ZC3H7A: variants seen among roughly 807,000 people sequenced by gnomAD.
ZC3H7A encodes the protein zinc finger CCCH-type containing 7A.
ZC3H7A carries 44 observed loss-of-function variants against 125.5 expected under a neutral mutation model. The ratio of observed to expected loss-of-function variants is 0.35; its 90% CI spans 0.28 to 0.45. ZC3H7A has a LOEUF of 0.45. ZC3H7A is among the 20% of genes least tolerant of loss of function. The pLI, the probability that ZC3H7A is intolerant of heterozygous loss-of-function variation, is 1.00. For synonymous variants in ZC3H7A, 399 were observed against 391.2 expected (o/e 1.02, Z -0.23); for missense variants, 977 against 1,170.7 (o/e 0.83, Z 2.41).
At chr16:11,758,320 C>T (rs1597536101) in intron 20 of ZC3H7A, 111 bp downstream of exon 20, 10 of 798,238 alleles carry the variant, frequency 1.3e-5, no homozygotes, top group South Asian at 6.0e-5. Flanking sequence ...ACGGGGCAAC[C>T]GTTTAGAATG....
intron 1 of ZC3H7A, among the ~76,000 whole-genome samples, chr16:11,783,511 T>G (rs2053206461): frequency 6.6e-6 from 1 of 152,192 alleles, no homozygotes; most frequent in Non-Finnish European, 1.5e-5. Context: ...TGGCAGTATT[T>G]CTGCCTCTAC....
chr16:11,768,284 A>C (rs781758908), intron 12 of ZC3H7A, 31 bp downstream of exon 12: 2 of 1,423,828 alleles, frequency 1.4e-6, no homozygotes, highest in South Asian at 1.8e-5. Context: ...CAAGTAGTTT[A>C]ATACTCTCTG....
intron 1 of ZC3H7A, among the ~76,000 whole-genome samples, chr16:11,785,074 C>T (rs2053236106): frequency 6.6e-6 from 1 of 152,034 alleles, no homozygotes. Flanking sequence ...AGGAGAATCG[C>T]TTCAACCCGG....
At chr16:11,788,400 A>T (rs2053291647) in intron 1 of ZC3H7A, among the ~76,000 whole-genome samples, 1 of 152,198 alleles carries the variant, frequency 6.6e-6, no homozygotes, top group Admixed American at 6.5e-5. Context: ...ATCCCCAGGC[A>T]GACCCTCTGG....
chr16:11,757,439 A>T (rs1567373016), intron 20 of ZC3H7A, among the ~76,000 whole-genome samples: 1 of 142,072 alleles, frequency 7.0e-6, no homozygotes, highest in Non-Finnish European at 1.5e-5. Flanking sequence ...ACCCGAGATC[A>T]CGCCACTGCA....
At chr16:11,780,782 A>G (rs1253371822) in intron 3 of ZC3H7A, among the ~76,000 whole-genome samples, 1 of 152,204 alleles carries the variant, frequency 6.6e-6, no homozygotes, top group Non-Finnish European at 1.5e-5. Context: ...GAAAAAAAAC[A>G]CAGGTGAACC....
rs746732898 is a variant in ZC3H7A at position 11,769,105 on chromosome 16, T to TA, written c.1109-11dup. 2.5e-6 allele frequency: 4 copies of TA among 1,598,906 alleles called. No individual in the cohort carries two copies. Among genetic ancestry groups the TA allele is most frequent in the East Asian group, 2.3e-5 (1 of 44,200 alleles). On this transcript the variant is annotated splice_polypyrimidine_tract_variant and intron_variant, in intron 10 of 22. Transcript: ENST00000355758. Reference sequence around the variant, plus strand: ...GTTGAGGTGGACAGATCTAAAATAATAAAAAAACTTCAACAGACCTTTTCA... The same window carrying TA: ...GTTGAGGTGGACAGATCTAAAATAATAAAAAAAACTTCAACAGACCTTTTCA...
intron 21 of ZC3H7A, chr16:11,753,142 A>T: frequency 3.6e-6 from 1 of 281,314 alleles, no homozygotes; most frequent in Admixed American, 5.0e-5. Flanking sequence ...AACTAACACC[A>T]TGAGGAAAAG....
chr16:11,760,139 A>AG lies in ZC3H7A; in HGVS notation c.2319+1266_2319+1267insC, dbSNP rs1340383852. Among the ~76,000 whole-genome samples the AG allele has an allele frequency of 6.0e-5, 9 of 149,812 alleles. No individual in the cohort carries two copies. In the South Asian group the frequency reaches 1.7e-3, roughly 28 times the overall value. ...GAAAAAATGAAAAAAAAAAAAAAAA[A>AG]AAAAAAGAAAAAAAGTCCCTTAGCA... is the stretch of plus-strand genomic sequence containing the variant. On this transcript the variant is annotated intron_variant, in intron 19 of 22. Transcript: ENST00000355758.
chr16:11,770,060 T>C (rs1189392453), intron 10 of ZC3H7A, among the ~76,000 whole-genome samples: 1 of 152,086 alleles, frequency 6.6e-6, no homozygotes, highest in Non-Finnish European at 1.5e-5. Context: ...GTGCTGGGAT[T>C]ACAGGCATGA....
chr16:11,753,183 A>C (rs2052580172), intron 21 of ZC3H7A: 1 of 217,502 alleles, frequency 4.6e-6, no homozygotes, highest in Admixed American at 5.4e-5. Context: ...AGGACATGCC[A>C]ACTCCAAAAG....
chr16:11,773,880 C>T (rs186938623), intron 9 of ZC3H7A, among the ~76,000 whole-genome samples: 2 of 151,414 alleles, frequency 1.3e-5, no homozygotes, highest in East Asian at 3.9e-4. Context: ...AAGACTCCGT[C>T]TCAAAAAAAA....
At chr16:11,779,648 C>G (rs1372843731) in intron 3 of ZC3H7A, among the ~76,000 whole-genome samples, 1 of 152,114 alleles carries the variant, frequency 6.6e-6, no homozygotes, top group Admixed American at 6.5e-5. Context: ...CTAGAGAAAC[C>G]AAGTGGAAGC....
intron 9 of ZC3H7A, among the ~76,000 whole-genome samples, chr16:11,772,495 A>C (rs2053002797): frequency 6.6e-6 from 1 of 151,792 alleles, no homozygotes. Context: ...CATACAGATG[A>C]GGAAAATGAT....
chr16:11,795,566 G>C (rs1160507118), intron 1 of ZC3H7A, among the ~76,000 whole-genome samples: 1 of 151,610 alleles, frequency 6.6e-6, no homozygotes, highest in African/African-American at 2.4e-5. Flanking sequence ...CTCCCCAGTA[G>C]CTGGGATTAC....
chr16:11,786,196 G>A (rs937405473), intron 1 of ZC3H7A, among the ~76,000 whole-genome samples: 4 of 152,128 alleles, frequency 2.6e-5, no homozygotes, highest in Non-Finnish European at 4.4e-5. Flanking sequence ...AGGGACCACC[G>A]GGCTTTTGTT....
At chr16:11,755,029 G>A (rs1226289643) in intron 21 of ZC3H7A, among the ~76,000 whole-genome samples, 1 of 151,496 alleles carries the variant, frequency 6.6e-6, no homozygotes, top group East Asian at 1.9e-4. Context: ...CCAACATGGT[G>A]AAACCCCGTC....
At chr16:11,760,149 A>G (rs919171160) in intron 19 of ZC3H7A, among the ~76,000 whole-genome samples, 8 of 151,498 alleles carry the variant, frequency 5.3e-5, no homozygotes, top group Non-Finnish European at 1.2e-4. Flanking sequence ...AAAAAAAGAA[A>G]AAAAGTCCCT....
chr16:11,763,459 C>A lies in ZC3H7A; in HGVS notation c.2002+19G>T. 1.3e-6 allele frequency: 2 copies of A among 1,588,060 alleles called. No individual in the cohort carries two copies. The highest frequency in any genetic ancestry group is 1.7e-6 in the Non-Finnish European group (2 of 1,164,858). Reference sequence around the variant, plus strand: ...TCTGCTCTTGAGGAGACATACTTCTCAGTCGCACTCAAACCTACCTGTTTC... The same window carrying A: ...TCTGCTCTTGAGGAGACATACTTCTAAGTCGCACTCAAACCTACCTGTTTC... On this transcript the variant is annotated intron_variant, in intron 16 of 22. Coordinates refer to ENST00000355758, the MANE Select transcript of ZC3H7A (RefSeq NM_014153.4).
Sources: gnomAD v4.1 joint callset for allele counts (sites outside exome capture counted in the v4.1 genomes callset) on GRCh38, gnomAD v4.1.1 for gene constraint, MANE v1.5 for transcripts, NCBI Gene and HGNC (gene_info 2026-07-23, HGNC 2026-07-21) for gene names.